Variants in PDE1B observed in about 807,000 individuals in gnomAD.
The protein encoded by PDE1B is dual specificity calcium/calmodulin-dependent 3',5'-cyclic nucleotide phosphodiesterase 1B.
In PDE1B, 13 loss-of-function variants were observed where a neutral mutation model predicts 66.7. The ratio of observed to expected loss-of-function variants is 0.19; its 90% CI spans 0.13 to 0.31. The LOEUF (loss-of-function observed/expected upper bound fraction) is 0.31. Among genes scored for constraint, PDE1B ranks in the 10% least tolerant of loss-of-function variants. PDE1B has a pLI of 1.00. For missense variants in PDE1B, 485 were observed against 682.3 expected (o/e 0.71, Z 3.22); for synonymous variants, 230 against 253.9 (o/e 0.91, Z 0.90).
chr12:54,561,571 A>G, intron 2 of PDE1B: 1 of 1,518,208 alleles, frequency 6.6e-7, no homozygotes, highest in Non-Finnish European at 8.8e-7. Context: ...CTGAAGCAGG[A>G]AACTTTGATT....
chr12:54,552,629 A>C (rs1453245688), intron 2 of PDE1B, among the ~76,000 whole-genome samples: 1 of 152,234 alleles, frequency 6.6e-6, no homozygotes, highest in Non-Finnish European at 1.5e-5. Flanking sequence ...TGTTTCCCAC[A>C]CTAAGACCCT....
At chr12:54,553,103 G>A (rs1480605360) in intron 2 of PDE1B, among the ~76,000 whole-genome samples, 1 of 152,216 alleles carries the variant, frequency 6.6e-6, no homozygotes, top group Non-Finnish European at 1.5e-5. Flanking sequence ...TACAGAGCTT[G>A]TAACCTGCTT....
chr12:54,566,938 G>A, intron 2 of PDE1B, 36 bp from the exon 3 acceptor site: 1 of 1,135,846 alleles, frequency 8.8e-7, no homozygotes, highest in Non-Finnish European at 1.3e-6. Flanking sequence ...TAAGGTAGCT[G>A]TGCCTAAGCA....
At chr12:54,574,975 A>C in intron 10 of PDE1B, 123 bp from the exon 11 acceptor site, 1 of 95,498 alleles carries the variant, frequency 1.0e-5, no homozygotes, top group Non-Finnish European at 1.9e-5. Flanking sequence ...ACCCTGTCTC[A>C]AAAAAAAAAA....
At chr12:54,559,771 TTGGCTAGAG>T (rs1318574610) in intron 2 of PDE1B, among the ~76,000 whole-genome samples, 1 of 152,150 alleles carries the variant, frequency 6.6e-6, no homozygotes, top group Non-Finnish European at 1.5e-5. Context: ...TAGCACTTAC[TTGGCTAGAG>T]TGGCAGGGTC....
chr12:54,550,097 A>T, intron 2 of PDE1B, 112 bp downstream of exon 2: 2 of 1,474,606 alleles, frequency 1.4e-6, no homozygotes, highest in South Asian at 2.7e-5. Context: ...TTTGGCACAG[A>T]TGTTGGCAGG....
rs1957671819 is a variant in PDE1B at position 54,573,891 on chromosome 12, G to T, written c.1064+182G>T. On this transcript the variant is annotated intron_variant, in intron 10 of 15. Transcript: ENST00000243052. This position sits in a 1 kb window ranked among gnomAD's most constrained non-coding sequence, Gnocchi z 5.2. ...AGAGAGTGTGTGTGTGTGTGTGTGT[G>T]TGTGTGTGTGTGTGTGTGTGTCCTT... 2 of 594,224 alleles carry T rather than the reference G, an allele frequency of 3.4e-6. No individual in the cohort carries two copies. Among genetic ancestry groups the T allele is most frequent in the African/African-American group, 1.9e-5 (1 of 53,804 alleles). The allele number at this position is 594,224 out of a possible 1,614,324, so 36.8% of individuals were successfully genotyped here.
In PDE1B at chr12:54,575,399, C is replaced by T. The variant is rs1957716854; in HGVS notation, c.1186-152C>T. On this transcript the variant is annotated intron_variant, in intron 11 of 15. Coordinates refer to ENST00000243052, the MANE Select transcript of PDE1B (RefSeq NM_000924.4). The surrounding 1 kb of genome is among the most constrained non-coding windows in gnomAD (Gnocchi z 4.0). Reference sequence around the variant, plus strand: ...CCTAACAATAGTTGCATTTCATTTGCATATATTTCATTTGCATATTACTAA... The same window carrying T: ...CCTAACAATAGTTGCATTTCATTTGTATATATTTCATTTGCATATTACTAA... 1.3e-6 allele frequency: 1 copy of T among 764,538 alleles called. No individual in the cohort carries two copies. The highest frequency in any genetic ancestry group is 1.6e-5 in the South Asian group (1 of 63,114). The allele number at this position is 764,538 out of a possible 1,614,324, so 47.4% of individuals were successfully genotyped here.
In PDE1B at chr12:54,569,707, C is replaced by CTT. The variant is rs71070829; in HGVS notation, c.477+106_477+107dup. The CTT allele has an allele frequency of 0.02, 13,238 of 656,116 alleles. 3 individuals are homozygous for CTT. The highest frequency in any genetic ancestry group is 0.032 in the East Asian group (1,076 of 33,238). 40.6% of individuals were successfully genotyped at this position (656,116 alleles called of 1,614,324 possible). A position where few individuals can be genotyped will look rare whatever the true frequency, so the allele number is the denominator to read the frequency against. ...TGTTTATGGCATTATTTTTGCCTTC[C>CTT]TTTTTTTTTTTTGAAATGGAGTCTC... is the stretch of plus-strand genomic sequence containing the variant. On this transcript the variant is annotated intron_variant, in intron 5 of 15. Coordinates refer to ENST00000243052, the MANE Select transcript of PDE1B (RefSeq NM_000924.4). The surrounding 1 kb of genome is among the most constrained non-coding windows in gnomAD (Gnocchi z 4.4).
In PDE1B at chr12:54,549,954, A is replaced by G. The variant is rs762183094; in HGVS notation, c.82A>G (p.Ser28Gly). ...ACCCCTGGAGCTGAAGTCAGCCCCC[A>G]GCAAGAAGATGTGGATTAAGCTTCG... ...PSPLELKSAP[S>G]KKMWIKLRSL... The change falls in exon 2 of 16, where the codon AGC becomes GGC. Residue 28 changes from serine (S) to glycine (G), a missense_variant. Ser to Gly is a moderately conservative substitution (Grantham distance 56). Coordinates refer to ENST00000243052, the MANE Select transcript of PDE1B (RefSeq NM_000924.4). 4 of 1,614,026 alleles carry G rather than the reference A, an allele frequency of 2.5e-6. No homozygotes were observed. In the East Asian group the frequency reaches 8.9e-5, roughly 36 times the overall value.
chr12:54,550,667 T>C (rs756546085), intron 2 of PDE1B, among the ~76,000 whole-genome samples: 20 of 152,160 alleles, frequency 1.3e-4, no homozygotes, highest in Non-Finnish European at 1.9e-4. Flanking sequence ...TGAAGAAATA[T>C]TGATTGACAA....
Position 54,549,748 on chromosome 12 carries a change from C to T in PDE1B, c.-38C>T. 1.4e-6 allele frequency: 1 copy of T among 698,740 alleles called. No individual in the cohort carries two copies. Among genetic ancestry groups the T allele is most frequent in the South Asian group, 1.7e-5 (1 of 57,332 alleles). 43.3% of individuals were successfully genotyped at this position (698,740 alleles called of 1,614,324 possible). A position where few individuals can be genotyped will look rare whatever the true frequency, so the allele number is the denominator to read the frequency against. The stretch of plus-strand genomic sequence containing the variant: ...CTTGGGCCGAGCCTAGAGACACCGG[C>T]CTGGCTGGTCCACGCCAGCCGCAGG... On this transcript the variant is annotated 5_prime_UTR_variant, in exon 1 of 16. Transcript: ENST00000243052.
At chr12:54,565,081 T>C (rs969356069) in intron 2 of PDE1B, among the ~76,000 whole-genome samples, 1 of 152,172 alleles carries the variant, frequency 6.6e-6, no homozygotes, top group African/African-American at 2.4e-5. Flanking sequence ...TGCAAATGAG[T>C]GCCGTGGGTG....
intron 3 of PDE1B, among the ~76,000 whole-genome samples, chr12:54,568,715 G>A (rs1005830938): frequency 2.0e-5 from 3 of 151,682 alleles, no homozygotes; most frequent in Non-Finnish European, 4.4e-5. Flanking sequence ...AGAATCGCTC[G>A]AACCCGGGAG....
In PDE1B at chr12:54,573,908, TG is replaced by T. The variant is rs1957673164; in HGVS notation, c.1064+200del. 2 of 559,634 alleles carry T rather than the reference TG, an allele frequency of 3.6e-6. No homozygotes were observed. Among genetic ancestry groups the T allele is most frequent in the Non-Finnish European group, 6.5e-6 (2 of 309,214 alleles). 34.7% of individuals were successfully genotyped at this position (559,634 alleles called of 1,614,324 possible). A position where few individuals can be genotyped will look rare whatever the true frequency, so the allele number is the denominator to read the frequency against. ...GTGTGTGTGTGTGTGTGTGTGTGTG[TG>T]TGTCCTTACGTTTACTCACAGCCTT... On this transcript the variant is annotated intron_variant, in intron 10 of 15. Coordinates refer to ENST00000243052, the MANE Select transcript of PDE1B (RefSeq NM_000924.4). The surrounding 1 kb of genome is among the most constrained non-coding windows in gnomAD (Gnocchi z 5.2).
At position 54,575,152 on chromosome 12, in the gene PDE1B, C is replaced by T. The variant is rs949177514; in HGVS notation, c.1119C>T (p.His373=). The T allele has an allele frequency of 6.2e-7, 1 of 1,612,780 alleles. No individual in the cohort carries two copies. The highest frequency in any genetic ancestry group is 1.7e-5 in the Admixed American group (1 of 60,016). The change falls in exon 11 of 16, where the codon CAC becomes CAT. Residue 373 remains histidine, a synonymous_variant. Transcript: ENST00000243052. The surrounding 1 kb of genome is among the most constrained non-coding windows in gnomAD (Gnocchi z 4.0). ...TGCTCCATGCTGCTGACATCAGCCA[C>T]CCAACCAAGCAGTGGTTGGTCCACA... The part of the protein sequence containing the change: ...SLLLHAADIS[H]PTKQWLVHSR...
At position 54,573,839 on chromosome 12, in the gene PDE1B, C is replaced by T. The variant is rs1957665602; in HGVS notation, c.1064+130C>T. 2.9e-6 allele frequency: 2 copies of T among 690,990 alleles called. No homozygotes were observed. Among genetic ancestry groups the T allele is most frequent in the Non-Finnish European group, 5.2e-6 (2 of 382,446 alleles). The allele number at this position is 690,990 out of a possible 1,614,324, so 42.8% of individuals were successfully genotyped here. A position where few individuals can be genotyped will look rare whatever the true frequency, so the allele number is the denominator to read the frequency against. The stretch of plus-strand genomic sequence containing the variant: ...TAGAGACTCCACTGGCTTCAGGTAT[C>T]AGACTGCATCTCTATGTGAGAGAGA... On this transcript the variant is annotated intron_variant, in intron 10 of 15. Coordinates refer to ENST00000243052, the MANE Select transcript of PDE1B (RefSeq NM_000924.4). This position sits in a 1 kb window ranked among gnomAD's most constrained non-coding sequence, Gnocchi z 5.2.
chr12:54,568,583 G>A (rs560937906), intron 3 of PDE1B, among the ~76,000 whole-genome samples: 2 of 151,734 alleles, frequency 1.3e-5, no homozygotes, highest in Admixed American at 1.3e-4. Flanking sequence ...GGTGGCTCAC[G>A]CCTATAATCC....
intron 2 of PDE1B, among the ~76,000 whole-genome samples, chr12:54,565,145 G>A (rs926092928): frequency 5.3e-5 from 8 of 152,342 alleles, no homozygotes; most frequent in East Asian, 3.9e-4. Flanking sequence ...AAGGTGGGTC[G>A]AGAAGGGAAC....
Sources: gnomAD v4.1 joint callset for allele counts (sites outside exome capture counted in the v4.1 genomes callset) on GRCh38, gnomAD v4.1.1 for gene constraint, Gnocchi (gnomAD v3.1) non-coding constraint, MANE v1.5 for transcripts, NCBI Gene and HGNC (gene_info 2026-07-23, HGNC 2026-07-21) for gene names.